GINS3: variants seen among roughly 807,000 people sequenced by gnomAD.
The protein encoded by GINS3 is DNA replication complex GINS protein PSF3.
GINS3 carries 18 observed loss-of-function variants against 20.0 expected under a neutral mutation model. The ratio of observed to expected loss-of-function variants is 0.90; its 90% CI spans 0.62 to 1.33. The LOEUF is 1.33. GINS3 is among the 40% of genes most tolerant of loss of function. The probability of loss-of-function intolerance (pLI) is 0.00; values close to 1 mark genes in which losing one functional copy is unlikely to be tolerated. For synonymous variants in GINS3, 109 were observed against 107.0 expected, an observed-to-expected ratio of 1.02 and a Z score of -0.12; for missense variants, 254 against 273.6, an observed-to-expected ratio of 0.93 and a Z score of 0.51.
At chr16:58,397,905 TC>T (rs893411569) in intron 1 of GINS3, among the ~76,000 whole-genome samples, 2 of 152,202 alleles carry the variant, frequency 1.3e-5, no homozygotes, top group Non-Finnish European at 1.5e-5. Context: ...TCCTTTACTA[TC>T]TTTTTAATGT....
intron 1 of GINS3, among the ~76,000 whole-genome samples, chr16:58,396,520 AC>A (rs566879192): frequency 2.9e-5 from 1 of 34,132 alleles, no homozygotes; most frequent in South Asian, 2.3e-3. Flanking sequence ...GCGGGGGCTG[AC>A]CCCCCCACCT....
Position 58,404,669 on chromosome 16 carries a change from C to T in GINS3, c.591C>T (p.Ile197=), listed in dbSNP as rs369517236. 1 of 1,614,008 alleles carries T rather than the reference C, an allele frequency of 6.2e-7. No individual in the cohort carries two copies. Among genetic ancestry groups the T allele is most frequent in the African/African-American group, 1.3e-5 (1 of 74,910 alleles). ...QCWEKGQASQ[I]TASNLVQNYK... ...GGGAGAAGGGGCAGGCTTCTCAGAT[C>T]ACAGCTTCCAACCTCGTTCAGAATT... is the stretch of plus-strand genomic sequence containing the variant. Residue 197 remains isoleucine, a synonymous_variant, in exon 3 of 3, where the codon ATC becomes ATT. Transcript: ENST00000318129.
At chr16:58,397,116 C>G (rs1171808791) in intron 1 of GINS3, among the ~76,000 whole-genome samples, 1 of 151,902 alleles carries the variant, frequency 6.6e-6, no homozygotes. Flanking sequence ...GGAGACGCTC[C>G]TCACTTCCCA....
At chr16:58,402,295 A>T (rs569845099) in intron 1 of GINS3, among the ~76,000 whole-genome samples, 91 of 152,284 alleles carry the variant, frequency 6.0e-4, no homozygotes, top group African/African-American at 1.8e-3. Flanking sequence ...TTCGGTGTCA[A>T]ATAGGGGGCT....
chr16:58,392,517 C>G lies in GINS3; in HGVS notation c.-85C>G. ...CCTGACCCCAACCATCCTGCCCAGT[C>G]TCCGCTTCCCCGTCTTGTACACCCC... is the stretch of plus-strand genomic sequence containing the variant. On this transcript the variant is annotated 5_prime_UTR_variant, in exon 1 of 3. Transcript: ENST00000318129. The G allele has an allele frequency of 6.9e-7, 1 of 1,459,180 alleles. No individual in the cohort carries two copies. Among genetic ancestry groups the G allele is most frequent in the Middle Eastern group, 1.8e-4 (1 of 5,462 alleles). The allele number at this position is 1,459,180 out of a possible 1,614,324, so 90.4% of individuals were successfully genotyped here.
rs1966022485 is a variant in GINS3, at chr16:58,405,534, G to A, written c.*805G>A. 6.6e-6 allele frequency: 1 copy of A among 152,210 alleles called. No homozygotes were observed. Among genetic ancestry groups the A allele is most frequent in the Non-Finnish European group, 1.5e-5 (1 of 68,038 alleles). 9.4% of individuals were successfully genotyped at this position (152,210 alleles called of 1,614,324 possible). A position where few individuals can be genotyped will look rare whatever the true frequency, so the allele number is the denominator to read the frequency against. ...AATTGCAATGTAGTTATTAAGGGCT[G>A]TTAACCAGCCTGCATTACATCTGGA... On this transcript the variant is annotated 3_prime_UTR_variant, in exon 3 of 3. Coordinates refer to ENST00000318129, the MANE Select transcript of GINS3 (RefSeq NM_022770.4).
intron 1 of GINS3, among the ~76,000 whole-genome samples, chr16:58,397,930 G>A (rs1417821218): frequency 6.6e-6 from 1 of 152,194 alleles, no homozygotes; most frequent in Non-Finnish European, 1.5e-5. Flanking sequence ...TAGGATTACA[G>A]TGGTGTCCTT....
At chr16:58,402,229 G>C (rs952888965) in intron 1 of GINS3, among the ~76,000 whole-genome samples, 1 of 151,982 alleles carries the variant, frequency 6.6e-6, no homozygotes, top group Non-Finnish European at 1.5e-5. Flanking sequence ...TTCAGTTCTG[G>C]AATTTCCATT....
In GINS3 at chr16:58,406,127, C is replaced by CAAAT. The variant is rs3833043; in HGVS notation, c.*1399_*1402dup. The CAAAT allele has an allele frequency of 0.89, 134,455 of 151,864 alleles. 59,752 individuals are homozygous for CAAAT. Among genetic ancestry groups the CAAAT allele is most frequent in the African/African-American group, 0.93 (38,491 of 41,436 alleles). The allele number at this position is 151,864 out of a possible 1,614,324, so 9.4% of individuals were successfully genotyped here. A position where few individuals can be genotyped will look rare whatever the true frequency, so the allele number is the denominator to read the frequency against. On this transcript the variant is annotated 3_prime_UTR_variant, in exon 3 of 3. Coordinates refer to ENST00000318129, the MANE Select transcript of GINS3 (RefSeq NM_022770.4). ...TTTGATCATATTTGACGGTAATACA[C>CAAAT]AAATCCATGTTTTAGCAGCTGCTCT...
chr16:58,404,298 C>T, intron 2 of GINS3: 1 of 580,736 alleles, frequency 1.7e-6, no homozygotes, highest in Non-Finnish European at 3.1e-6. Flanking sequence ...ATTTTCATAA[C>T]AATCCACTTC....
At position 58,404,633 on chromosome 16, in the gene GINS3, C is replaced by T. The variant is rs535055702; in HGVS notation, c.555C>T (p.Asp185=). 6.2e-6 allele frequency: 10 copies of T among 1,614,134 alleles called. No homozygotes were observed. The highest frequency in any genetic ancestry group is 1.3e-5 in the African/African-American group (1 of 75,024). ...AAACAGGGCAGAAAGGACTGAATGACTTTCAGTGTTGGGAGAAGGGGCAGG... is the reference window on the plus strand; with the variant it reads ...AAACAGGGCAGAAAGGACTGAATGATTTTCAGTGTTGGGAGAAGGGGCAGG... The part of the protein sequence containing the change: ...LFQTGQKGLN[D]FQCWEKGQAS... The change falls in exon 3 of 3, where the codon GAC becomes GAT. Residue 185 remains aspartate (D), a synonymous_variant. Transcript: ENST00000318129.
At chr16:58,402,958 G>T in intron 1 of GINS3, 140 bp from the exon 2 acceptor site, 1 of 642,632 alleles carries the variant, frequency 1.6e-6, no homozygotes, top group Non-Finnish European at 2.7e-6. Flanking sequence ...TTCGAGTCAC[G>T]ACCAGGTCTT....
intron 1 of GINS3, among the ~76,000 whole-genome samples, chr16:58,396,641 C>T (rs1278062710): frequency 6.8e-5 from 6 of 88,570 alleles, no homozygotes; most frequent in Admixed American, 2.0e-4. Flanking sequence ...CCTTCCCGGA[C>T]GGGGCGGCTG....
intron 1 of GINS3, among the ~76,000 whole-genome samples, chr16:58,398,705 G>A (rs2151493564): frequency 6.6e-6 from 1 of 152,210 alleles, no homozygotes; most frequent in East Asian, 1.9e-4. Context: ...TTTTTGACCT[G>A]TAGGTATTTA....
intron 1 of GINS3, among the ~76,000 whole-genome samples, chr16:58,396,402 ACCT>A (rs1212774316): frequency 1.8e-5 from 2 of 108,830 alleles, no homozygotes; most frequent in Admixed American, 8.4e-5. Context: ...TGACCCCCCC[ACCT>A]CCCTCCCGGA....
intron 1 of GINS3, among the ~76,000 whole-genome samples, chr16:58,401,130 T>G (rs1965948891): frequency 6.6e-6 from 1 of 152,082 alleles, no homozygotes; most frequent in Non-Finnish European, 1.5e-5. Context: ...GTCTCGCTGG[T>G]CTCGCTGACT....
chr16:58,395,440 C>G (rs1301754546), intron 1 of GINS3, among the ~76,000 whole-genome samples: 1 of 151,280 alleles, frequency 6.6e-6, no homozygotes, highest in African/African-American at 2.4e-5. Context: ...AACAAGTGAA[C>G]AAAGGTCTCT....
rs1371554047 is a variant in GINS3 at position 58,403,138 on chromosome 16, T to C, written c.227T>C (p.Leu76Pro). ...CTACCCTTGTGGCTGGCAAAAGGAC[T>C]TTTTGACAACAAGCGACGGATCCTT... Reference protein sequence around the residue: ...LELPLWLAKGLFDNKRRILSV... With the variant: ...LELPLWLAKGPFDNKRRILSV... Residue 76 changes from leucine to proline, a missense_variant, in exon 2 of 3, where the codon CTT (leucine) becomes CCT (proline). Transcript: ENST00000318129. The C allele has an allele frequency of 6.2e-7, 1 of 1,614,212 alleles. No homozygotes were observed. The highest frequency in any genetic ancestry group is 8.5e-7 in the Non-Finnish European group (1 of 1,180,032).
chr16:58,395,337 A>T (rs80236227), intron 1 of GINS3: 73,316 of 166,588 alleles, frequency 0.44, 15,512 homozygotes, highest in Non-Finnish European at 0.5. Flanking sequence ...ATATATATAT[A>T]TTTTTTTTTT....
Sources: allele counts gnomAD v4.1 joint callset (sites outside exome capture counted in the v4.1 genomes callset), GRCh38; gene constraint gnomAD v4.1.1; transcripts MANE v1.5; gene names NCBI Gene and HGNC (gene_info 2026-07-23, HGNC 2026-07-21).